BRCA1: variants seen among roughly 807,000 people sequenced by gnomAD.
BRCA1 encodes breast cancer type 1 susceptibility protein.
Under a neutral mutation model 173.7 loss-of-function variants are expected in BRCA1, and 140 were observed. That is an observed-to-expected ratio of 0.81 (90% CI 0.70 to 0.93). BRCA1 has a LOEUF of 0.93. BRCA1 is among the 40% of genes least tolerant of loss of function. The pLI is 0.00. For synonymous variants in BRCA1, 662 were observed against 756.0 expected (o/e 0.88, Z 2.04); for missense variants, 1,983 against 2,172.5 (o/e 0.91, Z 1.73).
chr17:43,077,107 A>G (rs2052769215), intron 12 of BRCA1, among the ~76,000 whole-genome samples: 1 of 152,144 alleles, frequency 6.6e-6, no homozygotes, highest in Admixed American at 6.5e-5. Flanking sequence ...TAAACAAGAC[A>G]TGAGTGTCAG....
At chr17:43,056,243 C>T (rs547611609) in intron 19 of BRCA1, among the ~76,000 whole-genome samples, 25 of 151,500 alleles carry the variant, frequency 1.7e-4, no homozygotes, top group Non-Finnish European at 2.8e-4. Context: ...GCGCAATCTC[C>T]GTTCACTGTA....
At chr17:43,113,444 G>A (rs901459835) in intron 3 of BRCA1, among the ~76,000 whole-genome samples, 1 of 151,758 alleles carries the variant, frequency 6.6e-6, no homozygotes, top group African/African-American at 2.4e-5. Flanking sequence ...TCGGCTCAGG[G>A]CAACCTCTGC....
chr17:43,073,138 C>G (rs1408600705), intron 14 of BRCA1, among the ~76,000 whole-genome samples: 1 of 151,952 alleles, frequency 6.6e-6, no homozygotes, highest in Non-Finnish European at 1.5e-5. Flanking sequence ...TAGAGACCAG[C>G]CTCGGCAACA....
At chr17:43,132,382 G>A (rs569170684) in intron 1 of BRCA1, among the ~76,000 whole-genome samples, 3 of 152,080 alleles carry the variant, frequency 2.0e-5, no homozygotes, top group Non-Finnish European at 4.4e-5. Flanking sequence ...ACTGTTTTAA[G>A]GAAGTCCCAG....
intron 3 of BRCA1, among the ~76,000 whole-genome samples, chr17:43,108,947 C>T (rs1023650173): frequency 1.1e-4 from 17 of 151,594 alleles, no homozygotes; most frequent in African/African-American, 3.4e-4. Flanking sequence ...AAACTGAGAT[C>T]GCGCCATTGC....
chr17:43,132,726 G>A (rs982995360), intron 1 of BRCA1: 3 of 149,814 alleles, frequency 2.0e-5, no homozygotes, highest in Non-Finnish European at 4.4e-5. Flanking sequence ...CTACAGACGT[G>A]CGCAACCATG....
chr17:43,164,172 C>T (rs2056252964), intron 1 of BRCA1: 1 of 152,200 alleles, frequency 6.6e-6, no homozygotes, highest in East Asian at 1.9e-4. Context: ...TCTTTAACTT[C>T]TATGATCCTC....
intron 18 of BRCA1, among the ~76,000 whole-genome samples, chr17:43,058,999 T>G (rs961319581): frequency 1.3e-5 from 2 of 152,196 alleles, no homozygotes; most frequent in Non-Finnish European, 2.9e-5. Context: ...CCACTGGCTA[T>G]TACTAGGGGA....
intron 2 of BRCA1, among the ~76,000 whole-genome samples, chr17:43,122,913 C>T (rs1334237953): frequency 1.1e-4 from 17 of 151,340 alleles, no homozygotes; most frequent in African/African-American, 1.5e-4. Context: ...AAAAATTAGC[C>T]GGGCGTGGTA....
At chr17:43,085,793 G>C (rs2053206225) in intron 11 of BRCA1, among the ~76,000 whole-genome samples, 1 of 152,014 alleles carries the variant, frequency 6.6e-6, no homozygotes, top group African/African-American at 2.4e-5. Flanking sequence ...TGGTCTGGAG[G>C]GAAGCAGAGT....
At chr17:43,096,701 A>G (rs1201009870) in intron 8 of BRCA1, among the ~76,000 whole-genome samples, 1 of 152,204 alleles carries the variant, frequency 6.6e-6, no homozygotes, top group Non-Finnish European at 1.5e-5. Context: ...AATAAGGAAC[A>G]GAGGAAAGAA....
intron 1 of BRCA1, among the ~76,000 whole-genome samples, chr17:43,149,391 T>C (rs976492536): frequency 2.7e-5 from 4 of 149,742 alleles, no homozygotes; most frequent in South Asian, 4.3e-4. Flanking sequence ...TGAGCCACCA[T>C]GCCCAGCCAA....
intron 1 of BRCA1, chr17:43,148,891 T>A: frequency 6.0e-6 from 1 of 167,558 alleles, no homozygotes. Context: ...CCTAATGAGA[T>A]AACTTTTTTG....
At chr17:43,143,535 G>A (rs1321821607) in intron 1 of BRCA1, among the ~76,000 whole-genome samples, 4 of 152,088 alleles carry the variant, frequency 2.6e-5, no homozygotes, top group African/African-American at 4.8e-5. Context: ...AACTGCCAGC[G>A]TTCATTTGTG....
chr17:43,092,882 T>G lies in BRCA1; in HGVS notation c.2649A>C (p.Ala883=), dbSNP rs2154366693. The stretch of plus-strand genomic sequence containing the variant: ...AGGACCCAGAGTGGGCAGAGAATGT[T>G]GCACATTCCTCTTCTGCATTTCCTG... ...SNPGNAEEEC[A]TFSAHSGSLK... The change falls in exon 10 of 23, where the codon GCA becomes GCC. Residue 883 remains alanine (A), a synonymous_variant. Transcript: ENST00000357654. 1 of 1,613,964 alleles carries G rather than the reference T, an allele frequency of 6.2e-7. No individual in the cohort carries two copies. Among genetic ancestry groups the G allele is most frequent in the Non-Finnish European group, 8.5e-7 (1 of 1,179,986 alleles).
intron 1 of BRCA1, chr17:43,167,660 T>A (rs1206357105): frequency 6.6e-6 from 1 of 152,086 alleles, no homozygotes; most frequent in African/African-American, 2.4e-5. Context: ...GAGGCAGAAA[T>A]TGGGCATAAG....
chr17:43,092,733 C>G lies in BRCA1; in HGVS notation c.2798G>C (p.Gly933Ala), dbSNP rs80356941. The change falls in exon 10 of 23, where the codon GGT (glycine) becomes GCT (alanine). Residue 933 changes from glycine (G) to alanine (A), a missense_variant. Transcript: ENST00000357654. The stretch of plus-strand genomic sequence containing the variant: ...ATTATCAACTGGCTTATCTTTCTGA[C>G]CAACCACAGGAAAGCCTGCAGTGAT... Reference protein sequence around the residue: ...VNITAGFPVVGQKDKPVDNAK... With the variant: ...VNITAGFPVVAQKDKPVDNAK... The G allele has an allele frequency of 1.2e-6, 2 of 1,614,098 alleles. No homozygotes were observed. The highest frequency in any genetic ancestry group is 1.7e-6 in the Non-Finnish European group (2 of 1,179,994).
intron 1 of BRCA1, among the ~76,000 whole-genome samples, chr17:43,135,466 C>G (rs1395447202): frequency 6.6e-6 from 1 of 152,212 alleles, no homozygotes; most frequent in Non-Finnish European, 1.5e-5. Context: ...GGACCTGATA[C>G]AACAGTGCGT....
chr17:43,101,366 T>C (rs1378540185), intron 6 of BRCA1, among the ~76,000 whole-genome samples: 1 of 151,962 alleles, frequency 6.6e-6, no homozygotes, highest in Non-Finnish European at 1.5e-5. Context: ...CTGGCTAATT[T>C]TTGTATTTTT....
Sources: gnomAD v4.1 joint callset for allele counts (sites outside exome capture counted in the v4.1 genomes callset) on GRCh38, gnomAD v4.1.1 for gene constraint, MANE v1.5 for transcripts, NCBI Gene and HGNC (gene_info 2026-07-23, HGNC 2026-07-21) for gene names.